Variants in CD2AP observed in about 807,000 individuals in gnomAD.
The protein encoded by CD2AP is CD2 associated protein.
In CD2AP, 46 loss-of-function variants were observed where a neutral mutation model predicts 85.1. The ratio of observed to expected loss-of-function variants is 0.54; its 90% CI spans 0.43 to 0.69. The LOEUF (loss-of-function observed/expected upper bound fraction) is 0.69, where lower values mean the gene tolerates loss of function less well. CD2AP is among the 30% of genes least tolerant of loss of function. CD2AP has a pLI of 0.00. For synonymous variants in CD2AP, 255 were observed against 252.9 expected, an observed-to-expected ratio of 1.01 and a Z score of -0.08; for missense variants, 769 against 729.5, an observed-to-expected ratio of 1.05 and a Z score of -0.62.
chr6:47,482,380 C>CTT (rs531967845), intron 1 of CD2AP, among the ~76,000 whole-genome samples: 2,057 of 133,466 alleles, frequency 0.015, 37 homozygotes, highest in African/African-American at 0.037. Flanking sequence ...TTTTTTTTGT[C>CTT]TTTTTTTTTT....
chr6:47,621,295 AGAT>A (rs1769737318), intron 17 of CD2AP, among the ~76,000 whole-genome samples: 1 of 152,164 alleles, frequency 6.6e-6, no homozygotes, highest in South Asian at 2.1e-4. Flanking sequence ...GCATCTATTG[AGAT>A]GATATGTGAT....
intron 5 of CD2AP, among the ~76,000 whole-genome samples, chr6:47,565,367 A>C (rs1225300848): frequency 2.0e-5 from 3 of 152,108 alleles, no homozygotes; most frequent in Admixed American, 6.5e-5. Flanking sequence ...TCTTATTTAG[A>C]GGGTCTTTTT....
chr6:47,574,695 C>CAA (rs1768255467), intron 6 of CD2AP, among the ~76,000 whole-genome samples: 1 of 151,576 alleles, frequency 6.6e-6, no homozygotes, highest in South Asian at 2.1e-4. Context: ...ACTTAAATTT[C>CAA]CTCTAGATTG....
intron 2 of CD2AP, among the ~76,000 whole-genome samples, chr6:47,520,604 G>A (rs1344650475): frequency 1.3e-5 from 2 of 152,162 alleles, no homozygotes; most frequent in Non-Finnish European, 2.9e-5. Context: ...TGCCTCTGGT[G>A]GGTGGTGGTT....
chr6:47,537,690 A>AGT (rs2114032654), intron 3 of CD2AP, among the ~76,000 whole-genome samples: 1 of 152,228 alleles, frequency 6.6e-6, no homozygotes, highest in African/African-American at 2.4e-5. Context: ...TAAAATATTG[A>AGT]GTGTCTTAAG....
At chr6:47,563,014 A>G (rs974657704) in intron 5 of CD2AP, 7 of 371,232 alleles carry the variant, frequency 1.9e-5, no homozygotes, top group African/African-American at 1.4e-4. Flanking sequence ...TTCAAATGCA[A>G]GAAATGAACA....
intron 11 of CD2AP, among the ~76,000 whole-genome samples, chr6:47,585,748 TG>T (rs58636455): frequency 0.31 from 47,500 of 152,064 alleles, 8,557 homozygotes; most frequent in Middle Eastern, 0.51. Flanking sequence ...ATTTCCATAA[TG>T]GAGAAATAAC....
intron 4 of CD2AP, among the ~76,000 whole-genome samples, chr6:47,551,840 T>C (rs1296443143): frequency 6.6e-6 from 1 of 152,216 alleles, no homozygotes; most frequent in Non-Finnish European, 1.5e-5. Context: ...AGAGCCATTA[T>C]GTTAGCCTTT....
intron 1 of CD2AP, among the ~76,000 whole-genome samples, chr6:47,500,240 C>T (rs1321875393): frequency 4.6e-5 from 7 of 152,116 alleles, no homozygotes; most frequent in East Asian, 1.9e-4. Context: ...CATTTTATCT[C>T]GTTGAATTAC....
At chr6:47,605,224 T>C (rs1019832129) in intron 13 of CD2AP, among the ~76,000 whole-genome samples, 3 of 152,018 alleles carry the variant, frequency 2.0e-5, no homozygotes, top group Non-Finnish European at 4.4e-5. Context: ...GTGGTTAATA[T>C]TCTGAGTTTG....
rs138027381 is a variant in CD2AP at position 47,624,200 on chromosome 6, G to C, written c.1893G>C (p.Lys631Asn). 3 of 1,611,890 alleles carry C rather than the reference G, an allele frequency of 1.9e-6. No individual in the cohort carries two copies. Among genetic ancestry groups the C allele is most frequent in the Admixed American group, 1.7e-5 (1 of 59,996 alleles). ...MRSNLEMEIE[K>N]LKKAVLSS ...TTTTGTTTTAGATGGAAATAGAGAA[G>C]CTGAAAAAAGCTGTCCTGTCTTCTT... The change falls in exon 18 of 18, where the codon AAG becomes AAC. Residue 631 changes from lysine (K) to asparagine (N), a missense_variant. Physicochemically the swap from Lys to Asn is moderately conservative, Grantham distance 94 (BLOSUM62 0). Coordinates refer to ENST00000359314, the MANE Select transcript of CD2AP (RefSeq NM_012120.3).
intron 1 of CD2AP, among the ~76,000 whole-genome samples, chr6:47,492,813 AT>A (rs932912307): frequency 8.6e-5 from 13 of 151,344 alleles, no homozygotes; most frequent in Non-Finnish European, 1.6e-4. Flanking sequence ...TGGTTGCATT[AT>A]TTTTTTTCCA....
At chr6:47,611,572 A>T (rs1769441985) in intron 16 of CD2AP, among the ~76,000 whole-genome samples, 1 of 151,488 alleles carries the variant, frequency 6.6e-6, no homozygotes, top group African/African-American at 2.4e-5. Context: ...TAATTTTAAA[A>T]TTCCTTCCTT....
intron 17 of CD2AP, among the ~76,000 whole-genome samples, chr6:47,621,996 CTCT>C (rs1224987025): frequency 2.0e-5 from 3 of 152,238 alleles, no homozygotes; most frequent in African/African-American, 7.2e-5. Flanking sequence ...TGAGCTCACG[CTCT>C]TCTTGGGCGG....
chr6:47,564,798 G>A (rs757797991), intron 5 of CD2AP, among the ~76,000 whole-genome samples: 2 of 152,042 alleles, frequency 1.3e-5, no homozygotes, highest in Non-Finnish European at 2.9e-5. Context: ...TTTTCAGTCA[G>A]TAAAATAATT....
At chr6:47,518,047 G>T (rs893985166) in intron 2 of CD2AP, among the ~76,000 whole-genome samples, 10 of 152,286 alleles carry the variant, frequency 6.6e-5, no homozygotes, top group Admixed American at 6.5e-4. Flanking sequence ...AAACTTTTGT[G>T]TCAGGTGTTG....
chr6:47,594,468 T>C (rs966236599), intron 11 of CD2AP, among the ~76,000 whole-genome samples: 1 of 152,066 alleles, frequency 6.6e-6, no homozygotes, highest in Non-Finnish European at 1.5e-5. Context: ...CAAGCTGTTA[T>C]TTGTGTATTC....
intron 7 of CD2AP, 87 bp from the exon 8 acceptor site, chr6:47,576,922 T>C: frequency 1.2e-6 from 1 of 804,026 alleles, no homozygotes; most frequent in South Asian, 1.4e-5. Flanking sequence ...TAACTTTTAG[T>C]ATACTTTACA....
At chr6:47,537,662 G>A (rs1248521668) in intron 3 of CD2AP, among the ~76,000 whole-genome samples, 1 of 152,028 alleles carries the variant, frequency 6.6e-6, no homozygotes, top group Non-Finnish European at 1.5e-5. Flanking sequence ...CTTCATGATA[G>A]TGATAATGAA....
Sources: allele counts gnomAD v4.1 joint callset (sites outside exome capture counted in the v4.1 genomes callset), GRCh38; gene constraint gnomAD v4.1.1; transcripts MANE v1.5; gene names NCBI Gene and HGNC (gene_info 2026-07-23, HGNC 2026-07-21).